The following PLEK variants were observed in gnomAD, a reference collection of about 807,000 sequenced individuals.
PLEK encodes the protein pleckstrin.
A neutral mutation model predicts 43.9 loss-of-function variants in PLEK; 25 were observed. The observed-to-expected ratio is 0.57, with a 90% CI of 0.41 to 0.79. The LOEUF (loss-of-function observed/expected upper bound fraction) is 0.79, where lower values mean the gene tolerates loss of function less well. Among genes scored for constraint, PLEK ranks in the 30% least tolerant of loss-of-function variants. The pLI is 0.00. For synonymous variants in PLEK, 152 were observed against 144.4 expected (o/e 1.05, Z -0.38); for missense variants, 396 against 413.3 (o/e 0.96, Z 0.36).
chr2:68,380,138 C>A (rs930785684), intron 1 of PLEK, among the ~76,000 whole-genome samples, 190 bp from the exon 2 acceptor site: 4 of 151,874 alleles, frequency 2.6e-5, no homozygotes, highest in South Asian at 2.1e-4. Context: ...AGCAAAGAGC[C>A]GGGAGTAGAA....
intron 7 of PLEK, among the ~76,000 whole-genome samples, chr2:68,393,641 G>A (rs1021278486): frequency 1.3e-5 from 2 of 152,122 alleles, no homozygotes; most frequent in African/African-American, 2.4e-5. Flanking sequence ...GTTGATTGTC[G>A]AAGAGGACTT....
intron 1 of PLEK, among the ~76,000 whole-genome samples, chr2:68,376,830 C>T (rs1673513034): frequency 6.6e-6 from 1 of 152,124 alleles, no homozygotes; most frequent in Non-Finnish European, 1.5e-5. Flanking sequence ...AATAGTCACA[C>T]TGTTGTGCTA....
intron 1 of PLEK, among the ~76,000 whole-genome samples, chr2:68,377,516 G>GATC (rs1673528295): frequency 6.6e-6 from 1 of 152,130 alleles, no homozygotes; most frequent in African/African-American, 2.4e-5. Flanking sequence ...TTTCTCTGAT[G>GATC]ATCAGTGATG....
chr2:68,396,184 C>T lies in PLEK; in HGVS notation c.*368C>T, dbSNP rs937825694. ...AAATCTGCCCCATGATTCTAACACTCGCAGTAGTGATAGTGTATCTAGTTG... is the reference window on the plus strand; with the variant it reads ...AAATCTGCCCCATGATTCTAACACTTGCAGTAGTGATAGTGTATCTAGTTG... On this transcript the variant is annotated 3_prime_UTR_variant, in exon 9 of 9. Coordinates refer to ENST00000234313, the MANE Select transcript of PLEK (RefSeq NM_002664.3). The T allele has an allele frequency of 1.3e-4, 25 of 195,862 alleles. No homozygotes were observed. Among genetic ancestry groups the T allele is most frequent in the Middle Eastern group, 2.1e-3 (1 of 486 alleles). 12.1% of individuals were successfully genotyped at this position (195,862 alleles called of 1,614,324 possible). A position where few individuals can be genotyped will look rare whatever the true frequency, so the allele number is the denominator to read the frequency against.
chr2:68,393,764 G>A (rs151044677), intron 7 of PLEK, among the ~76,000 whole-genome samples: 29 of 152,296 alleles, frequency 1.9e-4, no homozygotes, highest in African/African-American at 5.3e-4. Context: ...TTATATTGCT[G>A]CATCAGGTGC....
In PLEK at chr2:68,384,140, G is replaced by C. The variant is rs565154132; in HGVS notation, c.472+1507G>C. On this transcript the variant is annotated intron_variant, in intron 4 of 8. Coordinates refer to ENST00000234313, the MANE Select transcript of PLEK (RefSeq NM_002664.3). Reference sequence around the variant, plus strand: ...TACTGAGTCCCAGACTATTGGGCTGGTTTTTTTCTTCTTGTTCTCCTTCTC... The same window carrying C: ...TACTGAGTCCCAGACTATTGGGCTGCTTTTTTTCTTCTTGTTCTCCTTCTC... Among the ~76,000 whole-genome samples, 11 of 151,548 alleles carry C rather than the reference G, an allele frequency of 7.3e-5. No homozygotes were observed. The East Asian group carries it at 2.2e-3, about 30-fold the overall frequency.
intron 6 of PLEK, among the ~76,000 whole-genome samples, chr2:68,391,242 G>A (rs894675045): frequency 6.6e-6 from 1 of 152,048 alleles, no homozygotes; most frequent in Non-Finnish European, 1.5e-5. Flanking sequence ...GTCAGTGAGG[G>A]CTTAAAGGGA....
intron 1 of PLEK, among the ~76,000 whole-genome samples, chr2:68,378,731 T>G (rs964895400): frequency 1.3e-5 from 2 of 152,238 alleles, no homozygotes; most frequent in African/African-American, 4.8e-5. Context: ...ATTATTTCAT[T>G]TCATATGTTC....
At chr2:68,385,221 G>C (rs1277666809) in intron 4 of PLEK, among the ~76,000 whole-genome samples, 1 of 152,182 alleles carries the variant, frequency 6.6e-6, no homozygotes, top group Non-Finnish European at 1.5e-5. Context: ...GTGGTAACTA[G>C]TGTATCCATC....
rs533934550 is a variant in PLEK, at chr2:68,380,658, G to T, written c.199-65G>T. On this transcript the variant is annotated intron_variant, in intron 2 of 8. Coordinates refer to ENST00000234313, the MANE Select transcript of PLEK (RefSeq NM_002664.3). ...GAAGAGGTTTAGGCCAATGGCCTCTGCTTCATGAGGGGCCCCAAGCCCTTG... is the reference window on the plus strand; with the variant it reads ...GAAGAGGTTTAGGCCAATGGCCTCTTCTTCATGAGGGGCCCCAAGCCCTTG... The T allele has an allele frequency of 5.3e-6, 8 of 1,519,606 alleles. No homozygotes were observed. In the African/African-American group the frequency reaches 1.1e-4, roughly 21 times the overall value. 94.1% of individuals were successfully genotyped at this position (1,519,606 alleles called of 1,614,324 possible). A position where few individuals can be genotyped will look rare whatever the true frequency, so the allele number is the denominator to read the frequency against.
Position 68,393,251 on chromosome 2 carries a change from G to T in PLEK, c.846+6G>T. ...ACTACTATGACCCTGCTGGGGTAAG[G>T]TCCTGTGGTTCATAAATCCATTCAA... On this transcript the variant is annotated splice_donor_region_variant and intron_variant, in intron 7 of 8. Coordinates refer to ENST00000234313, the MANE Select transcript of PLEK (RefSeq NM_002664.3). 1 of 1,569,260 alleles carries T rather than the reference G, an allele frequency of 6.4e-7. No individual in the cohort carries two copies. The highest frequency in any genetic ancestry group is 1.1e-5 in the South Asian group (1 of 90,122).
At chr2:68,372,581 A>G (rs1290943087) in intron 1 of PLEK, among the ~76,000 whole-genome samples, 6 of 152,178 alleles carry the variant, frequency 3.9e-5, no homozygotes, top group Admixed American at 3.3e-4. Context: ...CAGTCCCATG[A>G]TGATGAACAG....
intron 4 of PLEK, among the ~76,000 whole-genome samples, chr2:68,383,125 G>T (rs968410883): frequency 2.0e-5 from 3 of 152,154 alleles, no homozygotes; most frequent in African/African-American, 7.2e-5. Context: ...TTCAAATTCT[G>T]GCTCTGCAAC....
At chr2:68,392,084 G>A (rs1264603495) in intron 6 of PLEK, among the ~76,000 whole-genome samples, 1 of 151,482 alleles carries the variant, frequency 6.6e-6, no homozygotes, top group Non-Finnish European at 1.5e-5. Context: ...TGTTGGGAAA[G>A]GCCAAGTCGT....
At chr2:68,366,861 T>C (rs1041812682) in intron 1 of PLEK, among the ~76,000 whole-genome samples, 2 of 152,234 alleles carry the variant, frequency 1.3e-5, no homozygotes, top group African/African-American at 4.8e-5. Context: ...AAGTTTTTGT[T>C]TGTTTTTTTA....
At chr2:68,395,115 G>A (rs1185150470) in intron 8 of PLEK, among the ~76,000 whole-genome samples, 3 of 151,970 alleles carry the variant, frequency 2.0e-5, no homozygotes, top group African/African-American at 7.2e-5. Context: ...AGTGCTTGAT[G>A]AAAAACAGTT....
chr2:68,391,195 T>C (rs1433263869), intron 6 of PLEK, among the ~76,000 whole-genome samples: 1 of 152,172 alleles, frequency 6.6e-6, no homozygotes, highest in Non-Finnish European at 1.5e-5. Flanking sequence ...GAAATGTACC[T>C]GCTAACTTCC....
intron 1 of PLEK, among the ~76,000 whole-genome samples, chr2:68,376,222 G>T (rs139431871): frequency 1.5e-4 from 23 of 152,308 alleles, no homozygotes; most frequent in Middle Eastern, 3.4e-3. Flanking sequence ...TGACACTTGA[G>T]ATAGATTCTA....
In PLEK at chr2:68,395,966, T is replaced by A. The variant is rs1673955443; in HGVS notation, c.*150T>A. On this transcript the variant is annotated 3_prime_UTR_variant, in exon 9 of 9. Coordinates refer to ENST00000234313, the MANE Select transcript of PLEK (RefSeq NM_002664.3). ...GGGGGTCTGAATGTAACTCACCATG[T>A]GGTGTGCAAGGTTCCCCTGCATTGT... The A allele has an allele frequency of 1.9e-5, 13 of 680,702 alleles. No homozygotes were observed. In the South Asian group the frequency reaches 2.3e-4, roughly 12 times the overall value. The allele number at this position is 680,702 out of a possible 1,614,324, so 42.2% of individuals were successfully genotyped here.
Sources: allele counts gnomAD v4.1 joint callset (sites outside exome capture counted in the v4.1 genomes callset), GRCh38; gene constraint gnomAD v4.1.1; transcripts MANE v1.5; gene names NCBI Gene and HGNC (gene_info 2026-07-23, HGNC 2026-07-21).